RGS7: variants seen among roughly 807,000 people sequenced by gnomAD.
RGS7 encodes the protein regulator of G-protein signaling 7.
In RGS7, 27 loss-of-function variants were observed where a neutral mutation model predicts 81.1. That is an observed-to-expected ratio of 0.33 (90% CI 0.25 to 0.46). The LOEUF (loss-of-function observed/expected upper bound fraction) is 0.46. Ranked by LOEUF, RGS7 falls within the 20% of genes least tolerant of loss-of-function variation. RGS7 has a pLI of 1.00. For synonymous variants in RGS7, 208 were observed against 207.7 expected, an observed-to-expected ratio of 1.00 and a Z score of -0.01; for missense variants, 396 against 607.4, an observed-to-expected ratio of 0.65 and a Z score of 3.66.
chr1:241,023,513 T>C (rs933237077), intron 3 of RGS7, among the ~76,000 whole-genome samples: 1 of 152,174 alleles, frequency 6.6e-6, no homozygotes, highest in Non-Finnish European at 1.5e-5. Flanking sequence ...CACAAAGATA[T>C]GAGAAAATTA....
intron 3 of RGS7, among the ~76,000 whole-genome samples, chr1:241,086,757 C>T (rs1408143459): frequency 6.6e-6 from 1 of 152,186 alleles, no homozygotes; most frequent in Non-Finnish European, 1.5e-5. Flanking sequence ...TTCTGCCTTC[C>T]TCTCTGGAGT....
At chr1:241,207,531 A>C (rs1448288961) in intron 2 of RGS7, among the ~76,000 whole-genome samples, 1 of 152,084 alleles carries the variant, frequency 6.6e-6, no homozygotes, top group Non-Finnish European at 1.5e-5. Flanking sequence ...CATTTAGCTC[A>C]GGGAGACAGA....
intron 2 of RGS7, among the ~76,000 whole-genome samples, chr1:241,138,177 CAAAAAAA>C (rs57697166): frequency 8.7e-6 from 1 of 115,410 alleles, no homozygotes; most frequent in African/African-American, 3.0e-5. Flanking sequence ...ATCTCAAAAA[CAAAAAAA>C]AAAAAAAAAA....
intron 10 of RGS7, among the ~76,000 whole-genome samples, chr1:240,816,931 C>T (rs749960664): frequency 6.6e-5 from 10 of 152,200 alleles, no homozygotes; most frequent in Non-Finnish European, 1.0e-4. Flanking sequence ...TACTCCTACT[C>T]TCCATATCAA....
chr1:241,316,520 T>G (rs77230360), intron 2 of RGS7, among the ~76,000 whole-genome samples: 1 of 152,120 alleles, frequency 6.6e-6, no homozygotes, highest in Admixed American at 6.6e-5. Flanking sequence ...TTTGAGGAGC[T>G]GTATTCAGGA....
At chr1:240,831,003 C>G (rs896474150) in intron 9 of RGS7, among the ~76,000 whole-genome samples, 2 of 152,140 alleles carry the variant, frequency 1.3e-5, no homozygotes, top group African/African-American at 2.4e-5. Flanking sequence ...TTATTAACAC[C>G]ACTAATCAGC....
intron 2 of RGS7, among the ~76,000 whole-genome samples, chr1:241,180,374 C>CA (rs916561145): frequency 1.8e-3 from 273 of 149,714 alleles, no homozygotes; most frequent in African/African-American, 6.3e-3. Context: ...GACTCCATCT[C>CA]AAAAAAAACC....
intron 17 of RGS7, 62 bp downstream of exon 17, chr1:240,801,393 G>A (rs1688004145): frequency 8.9e-7 from 1 of 1,118,448 alleles, no homozygotes; most frequent in Non-Finnish European, 1.3e-6. Context: ...GCTAGAAATA[G>A]GGAAATTGGA....
In RGS7 at chr1:240,827,417, C is replaced by G. The variant is rs12143778; in HGVS notation, c.610-245G>C. Among the ~76,000 whole-genome samples the G allele has an allele frequency of 4.5e-3, 691 of 152,270 alleles. 4 individuals are homozygous for G. Among genetic ancestry groups the G allele is most frequent in the East Asian group, 9.9e-3 (51 of 5,174 alleles). ...TATCCTCAAATAACTCCCAGAGAAA[C>G]AGGAAAAAGAAATACTCGGACTGCA... On this transcript the variant is annotated intron_variant, in intron 9 of 18. Transcript: ENST00000440928.
intron 3 of RGS7, among the ~76,000 whole-genome samples, chr1:241,083,616 C>A (rs766121089): frequency 5.3e-5 from 8 of 152,078 alleles, no homozygotes; most frequent in Non-Finnish European, 8.8e-5. Context: ...ATGTCTCTTG[C>A]GGATCTAGTT....
At chr1:240,850,921 A>G (rs1430318334) in intron 9 of RGS7, among the ~76,000 whole-genome samples, 1 of 152,222 alleles carries the variant, frequency 6.6e-6, no homozygotes, top group Non-Finnish European at 1.5e-5. Flanking sequence ...AGGAAGCTGA[A>G]GAAAAAAAGT....
intron 4 of RGS7, among the ~76,000 whole-genome samples, chr1:240,939,281 G>C (rs1188534904): frequency 6.6e-6 from 1 of 152,090 alleles, no homozygotes; most frequent in Non-Finnish European, 1.5e-5. Context: ...ATAAAACTTT[G>C]AAGTGATAGA....
At chr1:241,275,555 C>G (rs2078150698) in intron 2 of RGS7, among the ~76,000 whole-genome samples, 1 of 152,218 alleles carries the variant, frequency 6.6e-6, no homozygotes, top group African/African-American at 2.4e-5. Flanking sequence ...CCGTCCTTCT[C>G]TCTCTCATAG....
chr1:240,988,449 C>T (rs544064367), intron 3 of RGS7, among the ~76,000 whole-genome samples: 65 of 152,132 alleles, frequency 4.3e-4, no homozygotes, highest in African/African-American at 1.5e-3. Flanking sequence ...TAAGTTAAAA[C>T]ACTGCAGACT....
At chr1:240,922,227 A>C (rs1673678810) in intron 6 of RGS7, among the ~76,000 whole-genome samples, 1 of 152,052 alleles carries the variant, frequency 6.6e-6, no homozygotes, top group African/African-American at 2.4e-5. Context: ...AATTAACTTA[A>C]AATAAATTAT....
chr1:240,968,471 TAGTG>T (rs1455972357), intron 4 of RGS7, among the ~76,000 whole-genome samples: 1 of 152,074 alleles, frequency 6.6e-6, no homozygotes, highest in African/African-American at 2.4e-5. Context: ...GCCCAGGTAT[TAGTG>T]AGCACGGCAG....
chr1:240,829,176 TAC>T (rs141693613), intron 9 of RGS7, among the ~76,000 whole-genome samples: 15 of 151,696 alleles, frequency 9.9e-5, no homozygotes, highest in African/African-American at 2.4e-4. Flanking sequence ...ATACTACAGA[TAC>T]ACACACACAC....
intron 2 of RGS7, among the ~76,000 whole-genome samples, chr1:241,126,809 A>ATTT (rs55818497): frequency 6.9e-6 from 1 of 145,520 alleles, no homozygotes. Context: ...CCTTAAGTTG[A>ATTT]TTTTTTTTTT....
At chr1:241,133,258 T>C (rs779666177) in intron 2 of RGS7, among the ~76,000 whole-genome samples, 4 of 151,574 alleles carry the variant, frequency 2.6e-5, no homozygotes, top group Non-Finnish European at 5.9e-5. Flanking sequence ...TAAACAGCAA[T>C]AAATGAAATC....
Sources: gnomAD v4.1 joint callset for allele counts (sites outside exome capture counted in the v4.1 genomes callset) on GRCh38, gnomAD v4.1.1 for gene constraint, MANE v1.5 for transcripts, NCBI Gene and HGNC (gene_info 2026-07-23, HGNC 2026-07-21) for gene names.